Variants in KYAT3 observed in about 807,000 individuals in gnomAD.
KYAT3 encodes kynurenine aminotransferase 3.
KYAT3 carries 50 observed loss-of-function variants against 59.0 expected under a neutral mutation model. The ratio of observed to expected loss-of-function variants is 0.85; its 90% CI spans 0.68 to 1.07. KYAT3 has a LOEUF of 1.07. Among genes scored for constraint, KYAT3 ranks in the 50% least tolerant of loss-of-function variants. The probability of loss-of-function intolerance (pLI) is 0.00; values close to 1 mark genes in which losing one functional copy is unlikely to be tolerated. For missense variants in KYAT3, 497 were observed against 533.3 expected (o/e 0.93, Z 0.67); for synonymous variants, 148 against 177.0 (o/e 0.84, Z 1.30).
In KYAT3 at chr1:88,990,822, G is replaced by A. The variant is rs530289325; in HGVS notation, c.-2+1763C>T. 5.2e-4 allele frequency among the ~76,000 whole-genome samples: 79 copies of A among 152,234 alleles called. 1 individual carries two copies. The highest frequency in any genetic ancestry group is 3.4e-3 in the Middle Eastern group (1 of 294). ...ACATCTGCATTTTATTAAGTATTTTGAGCAGCATTTTCTAATGCAATCAAC... is the reference window on the plus strand; with the variant it reads ...ACATCTGCATTTTATTAAGTATTTTAAGCAGCATTTTCTAATGCAATCAAC... On this transcript the variant is annotated intron_variant, in intron 1 of 13. Coordinates refer to ENST00000260508, the MANE Select transcript of KYAT3 (RefSeq NM_001008661.3).
intron 8 of KYAT3, among the ~76,000 whole-genome samples, chr1:88,956,118 C>T (rs1013885029): frequency 6.6e-6 from 1 of 152,188 alleles, no homozygotes; most frequent in African/African-American, 2.4e-5. Context: ...TAAGGAACAT[C>T]ACAGCCTTCT....
chr1:88,975,337 G>C (rs914394213), intron 2 of KYAT3, among the ~76,000 whole-genome samples: 1 of 152,164 alleles, frequency 6.6e-6, no homozygotes, highest in Non-Finnish European at 1.5e-5. Flanking sequence ...ATTTTTAGGA[G>C]AGACTGGGTT....
chr1:88,949,343 G>A, intron 10 of KYAT3, 66 bp from the exon 11 acceptor site: 1 of 1,154,366 alleles, frequency 8.7e-7, no homozygotes, highest in South Asian at 1.7e-5. Flanking sequence ...TTAGTTTATT[G>A]GTATAATAAA....
chr1:88,975,379 C>T (rs1409529630), intron 2 of KYAT3, among the ~76,000 whole-genome samples: 3 of 152,174 alleles, frequency 2.0e-5, no homozygotes, highest in Admixed American at 6.5e-5. Context: ...TCTTGATCTC[C>T]TGACCTCGTG....
chr1:88,966,208 A>T (rs1194797869), intron 4 of KYAT3, among the ~76,000 whole-genome samples: 3 of 152,164 alleles, frequency 2.0e-5, no homozygotes, highest in African/African-American at 7.2e-5. Flanking sequence ...TAGAATATAC[A>T]TATTAATAAA....
At chr1:88,974,650 AC>A (rs1000968544) in intron 2 of KYAT3, among the ~76,000 whole-genome samples, 3 of 151,486 alleles carry the variant, frequency 2.0e-5, no homozygotes, top group African/African-American at 7.3e-5. Context: ...GACTTGGAGA[AC>A]TTTTCTGTCT....
chr1:88,961,229 A>G lies in KYAT3; in HGVS notation c.725T>C (p.Leu242Pro), dbSNP rs1320879360. The G allele has an allele frequency of 1.2e-6, 2 of 1,613,540 alleles. No individual in the cohort carries two copies. Among genetic ancestry groups the G allele is most frequent in the Non-Finnish European group, 1.7e-6 (2 of 1,179,800 alleles). The part of the protein sequence containing the change: ...IADLCIKYDT[L>P]CISDEVYEWL... ...TTCATAAACCTCATCGCTGATGCAGAGTGTGTCATATTTGATGCAAAGGTC... is the reference window on the plus strand; with the variant it reads ...TTCATAAACCTCATCGCTGATGCAGGGTGTGTCATATTTGATGCAAAGGTC... The change falls in exon 8 of 14, where the codon CTC becomes CCC. Residue 242 changes from leucine (L) to proline (P), a missense_variant. Leu to Pro is a moderately conservative substitution (Grantham distance 98). This residue lies in a region of KYAT3 where 469 missense variants were observed against 479.1 expected (regional missense o/e 0.98). Transcript: ENST00000260508.
chr1:88,931,031 T>A (rs1258685266), downstream of KYAT3, among the ~76,000 whole-genome samples: 1 of 152,186 alleles, frequency 6.6e-6, no homozygotes, highest in African/African-American at 2.4e-5. Flanking sequence ...GGGAACCTCA[T>A]GAGGACATAG....
At chr1:88,976,337 A>G (rs1403447679) in intron 2 of KYAT3, among the ~76,000 whole-genome samples, 1 of 151,710 alleles carries the variant, frequency 6.6e-6, no homozygotes, top group Non-Finnish European at 1.5e-5. Context: ...AGCCTGGGTA[A>G]CAGAGGTAGA....
Position 88,943,443 on chromosome 1 carries a change from T to C in KYAT3, c.1142-20A>G, listed in dbSNP as rs779065818. On this transcript the variant is annotated intron_variant, in intron 11 of 13. Transcript: ENST00000260508. ...CTGGATCTAAAACCACAATGAAAAT[T>C]AGGTGGCCTATGAATTTCATCTGAT... is the stretch of plus-strand genomic sequence containing the variant. 1 of 1,331,226 alleles carries C rather than the reference T, an allele frequency of 7.5e-7. No homozygotes were observed. The highest frequency in any genetic ancestry group is 1.1e-6 in the Non-Finnish European group (1 of 948,258). 82.5% of individuals were successfully genotyped at this position (1,331,226 alleles called of 1,614,324 possible). A position where few individuals can be genotyped will look rare whatever the true frequency, so the allele number is the denominator to read the frequency against.
chr1:88,991,565 G>C (rs1258832774), intron 1 of KYAT3, among the ~76,000 whole-genome samples: 2 of 152,230 alleles, frequency 1.3e-5, no homozygotes, highest in Non-Finnish European at 2.9e-5. Context: ...GTCCTGGACG[G>C]GGGAGTACAG....
At chr1:88,948,049 G>A (rs918147690) in intron 11 of KYAT3, among the ~76,000 whole-genome samples, 29 of 152,054 alleles carry the variant, frequency 1.9e-4, no homozygotes, top group African/African-American at 6.3e-4. Context: ...CTGAGATCAC[G>A]CCACTGCACT....
At chr1:88,991,780 G>GA (rs1677807976) in intron 1 of KYAT3, among the ~76,000 whole-genome samples, 1 of 152,242 alleles carries the variant, frequency 6.6e-6, no homozygotes. Context: ...TTTGGCTCCC[G>GA]AAGTCAGACT....
At chr1:88,984,129 CT>C in intron 2 of KYAT3, 1 of 387,704 alleles carries the variant, frequency 2.6e-6, no homozygotes, top group Non-Finnish European at 4.9e-6. Flanking sequence ...GGGAAAGATG[CT>C]TAAAGATACA....
At chr1:88,953,905 C>CTTT (rs35781634) in intron 9 of KYAT3, among the ~76,000 whole-genome samples, 1 of 141,208 alleles carries the variant, frequency 7.1e-6, no homozygotes, top group Non-Finnish European at 1.5e-5. Flanking sequence ...TCTTCTTCTT[C>CTTT]TTTTTTTTTT....
chr1:88,944,104 T>C (rs1248493878), intron 11 of KYAT3, among the ~76,000 whole-genome samples: 6 of 152,166 alleles, frequency 3.9e-5, no homozygotes, highest in Non-Finnish European at 5.9e-5. Flanking sequence ...TGCTTTAAGG[T>C]CTGGGCAAGA....
At chr1:88,972,862 AT>A (rs1327698272) in intron 2 of KYAT3, among the ~76,000 whole-genome samples, 2 of 152,256 alleles carry the variant, frequency 1.3e-5, no homozygotes, top group Non-Finnish European at 2.9e-5. Context: ...TGTGAAAAAC[AT>A]GGTGGAAATG....
At chr1:88,971,713 C>G (rs1435191174) in intron 2 of KYAT3, among the ~76,000 whole-genome samples, 3 of 152,162 alleles carry the variant, frequency 2.0e-5, no homozygotes, top group Admixed American at 2.0e-4. Flanking sequence ...CTGGTCCCCA[C>G]CACCCTTCCT....
At chr1:88,944,994 C>T (rs1274664067) in intron 11 of KYAT3, among the ~76,000 whole-genome samples, 1 of 152,102 alleles carries the variant, frequency 6.6e-6, no homozygotes, top group Admixed American at 6.5e-5. Flanking sequence ...CAGGTATGCG[C>T]CACCACACCT....
Sources: allele counts gnomAD v4.1 joint callset (sites outside exome capture counted in the v4.1 genomes callset), GRCh38; gene constraint gnomAD v4.1.1; regional missense constraint gnomAD v4.1.1; transcripts MANE v1.5; gene names NCBI Gene and HGNC (gene_info 2026-07-23, HGNC 2026-07-21).